Variants in NUMB observed in about 807,000 individuals in gnomAD.
The protein encoded by NUMB is NUMB endocytic adaptor protein.
Under a neutral mutation model 59.7 loss-of-function variants are expected in NUMB, and 29 were observed. The observed-to-expected ratio is 0.49, with a 90% CI of 0.36 to 0.66. The LOEUF (loss-of-function observed/expected upper bound fraction) is 0.66, where lower values mean the gene tolerates loss of function less well. NUMB is among the 30% of genes least tolerant of loss of function. The pLI, the probability that NUMB is intolerant of heterozygous loss-of-function variation, is 0.00. For missense variants in NUMB, 723 were observed against 822.0 expected (o/e 0.88, Z 1.47); for synonymous variants, 288 against 288.2 (o/e 1.00, Z 0.01).
chr14:73,283,750 T>G (rs1188426404), intron 10 of NUMB, among the ~76,000 whole-genome samples: 1 of 152,224 alleles, frequency 6.6e-6, no homozygotes, highest in African/African-American at 2.4e-5. Context: ...AATGGCAGAA[T>G]AAGAATAGAA....
At chr14:73,334,798 A>G (rs1159208237) in intron 4 of NUMB, among the ~76,000 whole-genome samples, 1 of 152,002 alleles carries the variant, frequency 6.6e-6, no homozygotes, top group African/African-American at 2.4e-5. Context: ...AACACAAAAA[A>G]ATTAGCCAGG....
At chr14:73,424,557 C>T (rs758110) in intron 1 of NUMB, among the ~76,000 whole-genome samples, 121,861 of 152,124 alleles carry the variant, frequency 0.8, 49,362 homozygotes, top group African/African-American at 0.92. Context: ...TAGTTTATAA[C>T]ATAAGACAAA....
chr14:73,282,184 A>C, intron 11 of NUMB, 175 bp downstream of exon 11: 1 of 537,404 alleles, frequency 1.9e-6, no homozygotes. Flanking sequence ...GAAAACAGGA[A>C]GGGCACAAAG....
intron 4 of NUMB, among the ~76,000 whole-genome samples, chr14:73,329,860 C>T (rs1007643285): frequency 2.1e-4 from 32 of 152,138 alleles, no homozygotes; most frequent in Non-Finnish European, 5.9e-5. Flanking sequence ...AAGCACCCAG[C>T]GCAGTGTCTG....
chr14:73,390,155 T>C (rs1895768811), intron 2 of NUMB, among the ~76,000 whole-genome samples: 1 of 152,208 alleles, frequency 6.6e-6, no homozygotes, highest in Admixed American at 6.5e-5. Context: ...AGAATGTTCA[T>C]TGTAATACCA....
chr14:73,415,809 A>C (rs1435426412), intron 1 of NUMB, among the ~76,000 whole-genome samples: 1 of 152,158 alleles, frequency 6.6e-6, no homozygotes, highest in Non-Finnish European at 1.5e-5. Flanking sequence ...CAACGATGCT[A>C]GTCAAGAAGC....
rs191007585 is a variant in NUMB, at chr14:73,330,606, G to T, written c.127-7402C>A. 3.2e-3 allele frequency among the ~76,000 whole-genome samples: 488 copies of T among 152,302 alleles called. 8 individuals carry two copies. Among genetic ancestry groups the T allele is most frequent in the Admixed American group, 0.028 (430 of 15,294 alleles). On this transcript the variant is annotated intron_variant, in intron 4 of 12. Coordinates refer to ENST00000555238, the MANE Select transcript of NUMB (RefSeq NM_001005743.2). Reference sequence around the variant, plus strand: ...GAGAATACAGCAGTAACCACTGGCAGTTTGAGGATTAAATGACTTAATACC... The same window carrying T: ...GAGAATACAGCAGTAACCACTGGCATTTTGAGGATTAAATGACTTAATACC...
intron 1 of NUMB, among the ~76,000 whole-genome samples, chr14:73,414,785 T>C (rs1897053919): frequency 6.6e-6 from 1 of 152,104 alleles, no homozygotes; most frequent in South Asian, 2.1e-4. Context: ...AGTAGCGTGA[T>C]CTCAGCTCAC....
intron 2 of NUMB, among the ~76,000 whole-genome samples, chr14:73,408,186 C>T (rs528238708): frequency 1.1e-4 from 17 of 151,600 alleles, no homozygotes; most frequent in Admixed American, 1.1e-3. Flanking sequence ...GAGATTGCGC[C>T]ACTGCACTCC....
At chr14:73,422,788 G>A (rs911333439) in intron 1 of NUMB, among the ~76,000 whole-genome samples, 6 of 151,696 alleles carry the variant, frequency 4.0e-5, no homozygotes, top group Non-Finnish European at 8.8e-5. Context: ...ATTCATGAGG[G>A]ATCTGCTCCC....
chr14:73,313,668 G>GAAAAAAAAAAAAAAAAAAAAAA (rs10582204), intron 6 of NUMB, among the ~76,000 whole-genome samples: 4 of 124,114 alleles, frequency 3.2e-5, no homozygotes, highest in African/African-American at 1.3e-4. Context: ...TCCAAAATCT[G>GAAAAAAAAAAAAAAAAAAAAAA]AAAAAAAAAA....
chr14:73,275,741 G>T lies in NUMB; in HGVS notation c.*837C>A, dbSNP rs1377214421. 2 of 152,400 alleles carry T rather than the reference G, an allele frequency of 1.3e-5. No individual in the cohort carries two copies. The highest frequency in any genetic ancestry group is 3.9e-4 in the East Asian group (2 of 5,188). 9.4% of individuals were successfully genotyped at this position (152,400 alleles called of 1,614,324 possible). On this transcript the variant is annotated 3_prime_UTR_variant, in exon 13 of 13. Coordinates refer to ENST00000555238, the MANE Select transcript of NUMB (RefSeq NM_001005743.2). ...AAAACTACAACCTAGTGACTGTATT[G>T]GTCATAAGCATGATTGTTGTTGCAA...
rs1325650574 is a variant in NUMB, at chr14:73,389,027, A to T, written c.-101+20910T>A. On this transcript the variant is annotated intron_variant, in intron 2 of 12. Transcript: ENST00000555238. Reference sequence around the variant, plus strand: ...GGCAGAAGAATGGCGTGAGCCCGGGAGGCGGAGCTTGCAGTGAGCCAAGAT... The same window carrying T: ...GGCAGAAGAATGGCGTGAGCCCGGGTGGCGGAGCTTGCAGTGAGCCAAGAT... Among the ~76,000 whole-genome samples, 3 of 147,342 alleles carry T rather than the reference A, an allele frequency of 2.0e-5. No individual in the cohort carries two copies. In the South Asian group the frequency reaches 6.5e-4, roughly 32 times the overall value.
At chr14:73,379,573 G>A (rs140905070) in intron 2 of NUMB, among the ~76,000 whole-genome samples, 316 of 152,210 alleles carry the variant, frequency 2.1e-3, no homozygotes, top group Non-Finnish European at 3.6e-3. Flanking sequence ...GAAAGGAGGC[G>A]GCTCTTCTAA....
intron 4 of NUMB, among the ~76,000 whole-genome samples, chr14:73,342,355 G>C (rs1892679649): frequency 6.6e-6 from 1 of 152,152 alleles, no homozygotes; most frequent in African/African-American, 2.4e-5. Flanking sequence ...CATTAAGTTT[G>C]GATCACTACT....
At chr14:73,289,449 T>C (rs1284014482) in intron 8 of NUMB, among the ~76,000 whole-genome samples, 2 of 152,224 alleles carry the variant, frequency 1.3e-5, no homozygotes, top group Non-Finnish European at 2.9e-5. Flanking sequence ...ACAATAATTG[T>C]TGGCATCATT....
At chr14:73,328,737 T>C (rs193157756) in intron 4 of NUMB, among the ~76,000 whole-genome samples, 15 of 152,380 alleles carry the variant, frequency 9.8e-5, no homozygotes, top group Non-Finnish European at 2.1e-4. Flanking sequence ...AAGTATCTGT[T>C]TAAATTTGTC....
At position 73,355,650 on chromosome 14, in the gene NUMB, G is replaced by T. The variant is rs116330699; in HGVS notation, c.102C>A (p.Thr34=). ...QWQTDEEGVR[T]GKCSFPVKYL... ...CCTTAACCGGGAAGCTACATTTTCC[G>T]GTGCGAACGCCTTCTTCATCTGTCT... is the stretch of plus-strand genomic sequence containing the variant. The change falls in exon 4 of 13, where the codon ACC becomes ACA. Residue 34 remains threonine (T), a synonymous_variant. Coordinates refer to ENST00000555238, the MANE Select transcript of NUMB (RefSeq NM_001005743.2). The T allele has an allele frequency of 6.2e-7, 1 of 1,613,084 alleles. No homozygotes were observed. Among genetic ancestry groups the T allele is most frequent in the Non-Finnish European group, 8.5e-7 (1 of 1,179,590 alleles).
chr14:73,334,410 C>G (rs1892175210), intron 4 of NUMB, among the ~76,000 whole-genome samples: 1 of 152,100 alleles, frequency 6.6e-6, no homozygotes, highest in African/African-American at 2.4e-5. Flanking sequence ...GAAAACTGTC[C>G]ATTATTTTCC....
Sources: gnomAD v4.1 joint callset for allele counts (sites outside exome capture counted in the v4.1 genomes callset) on GRCh38, gnomAD v4.1.1 for gene constraint, MANE v1.5 for transcripts, NCBI Gene and HGNC (gene_info 2026-07-23, HGNC 2026-07-21) for gene names.